Variants in PPP2R2B observed in about 807,000 individuals in gnomAD.
The protein encoded by PPP2R2B is protein phosphatase 2 regulatory subunit Bbeta, also known as serine/threonine-protein phosphatase 2A 55 kDa regulatory subunit B beta isoform.
A neutral mutation model predicts 46.0 loss-of-function variants in PPP2R2B; 5 were observed. The observed-to-expected ratio is 0.11, with a 90% CI of 0.06 to 0.23. The LOEUF is 0.23. Among genes scored for constraint, PPP2R2B ranks in the 10% least tolerant of loss-of-function variants. The probability of loss-of-function intolerance (pLI) is 1.00; values close to 1 mark genes in which losing one functional copy is unlikely to be tolerated. For missense variants in PPP2R2B, 367 were observed against 575.0 expected (o/e 0.64, Z 3.70); for synonymous variants, 215 against 206.7 (o/e 1.04, Z -0.34).
At chr5:146,633,349 A>G (rs536386042) in intron 7 of PPP2R2B, among the ~76,000 whole-genome samples, 1 of 152,310 alleles carries the variant, frequency 6.6e-6, no homozygotes, top group East Asian at 1.9e-4. Context: ...ACTCTGATGA[A>G]CTGTCTCAAT....
At chr5:146,645,351 CTCTT>C (rs2151087833) in intron 6 of PPP2R2B, among the ~76,000 whole-genome samples, 1 of 152,276 alleles carries the variant, frequency 6.6e-6, no homozygotes, top group African/African-American at 2.4e-5. Flanking sequence ...GGATATTCCT[CTCTT>C]AAGAGCTTAA....
At chr5:147,045,822 C>T (rs1337768739) in intron 1 of PPP2R2B, among the ~76,000 whole-genome samples, 1 of 152,088 alleles carries the variant, frequency 6.6e-6, no homozygotes, top group Non-Finnish European at 1.5e-5. Flanking sequence ...CCCTCAGAAT[C>T]TTGCTTTCAC....
At chr5:146,936,485 AC>A (rs1368671132) in intron 1 of PPP2R2B, among the ~76,000 whole-genome samples, 1 of 148,610 alleles carries the variant, frequency 6.7e-6, no homozygotes, top group Non-Finnish European at 1.5e-5. Context: ...AAAAAAAAAA[AC>A]CCTAGACAGT....
chr5:146,681,116 T>A (rs1400720514), intron 5 of PPP2R2B, among the ~76,000 whole-genome samples: 1 of 152,218 alleles, frequency 6.6e-6, no homozygotes, highest in Admixed American at 6.5e-5. Flanking sequence ...AAAGTGATCA[T>A]GTCCTCTATT....
intron 1 of PPP2R2B, among the ~76,000 whole-genome samples, chr5:146,966,637 C>T (rs6898335): frequency 0.77 from 116,995 of 152,086 alleles, 45,996 homozygotes; most frequent in Admixed American, 0.85. Context: ...CTAACTAGAA[C>T]GGAAGGCAGC....
At chr5:146,958,747 C>T (rs1016076722) in intron 1 of PPP2R2B, among the ~76,000 whole-genome samples, 4 of 152,210 alleles carry the variant, frequency 2.6e-5, no homozygotes, top group African/African-American at 9.6e-5. Flanking sequence ...GTATATGATA[C>T]TGCCTCTGCC....
chr5:146,820,776 T>A (rs1488217096), intron 2 of PPP2R2B, among the ~76,000 whole-genome samples: 1 of 152,132 alleles, frequency 6.6e-6, no homozygotes, highest in African/African-American at 2.4e-5. Context: ...CCTCTGCTGC[T>A]ACTTTCTTCA....
chr5:146,861,853 A>AT (rs776458525), intron 2 of PPP2R2B, among the ~76,000 whole-genome samples: 3 of 144,794 alleles, frequency 2.1e-5, no homozygotes, highest in African/African-American at 2.5e-5. Flanking sequence ...AAAATACAGC[A>AT]TTGTTTTTTT....
intron 2 of PPP2R2B, among the ~76,000 whole-genome samples, chr5:146,743,822 T>C (rs73793243): frequency 0.019 from 2,877 of 152,242 alleles, 81 homozygotes; most frequent in African/African-American, 0.062. Context: ...GCCACAAAAT[T>C]ATTGAGCAAA....
intron 1 of PPP2R2B, among the ~76,000 whole-genome samples, chr5:147,001,343 G>A (rs541840805): frequency 1.6e-4 from 24 of 152,214 alleles, no homozygotes; most frequent in African/African-American, 5.1e-4. Context: ...AAGGTCTGTG[G>A]CTTCACTCCT....
In PPP2R2B at chr5:146,706,462, C is replaced by T. The variant is rs913249914; in HGVS notation, c.71-5320G>A. The T allele has an allele frequency of 1.5e-5, 17 of 1,111,896 alleles. No individual in the cohort carries two copies. The African/African-American group carries it at 2.0e-4, about 13-fold the overall frequency. The allele number at this position is 1,111,896 out of a possible 1,614,324, so 68.9% of individuals were successfully genotyped here. On this transcript the variant is annotated intron_variant, in intron 2 of 9. Transcript: ENST00000394411. The stretch of plus-strand genomic sequence containing the variant: ...TCTTCCAGCAGCTTCCTGTAGGTGG[C>T]GATCTCGATGTCCAGGGTCAGCTTG...
At chr5:146,670,582 G>A (rs1254306930) in intron 5 of PPP2R2B, among the ~76,000 whole-genome samples, 1 of 151,788 alleles carries the variant, frequency 6.6e-6, no homozygotes, top group African/African-American at 2.4e-5. Context: ...TGCAACCTCC[G>A]CCTCCCGAGT....
intron 1 of PPP2R2B, among the ~76,000 whole-genome samples, chr5:147,002,903 G>T (rs1580783954): frequency 6.6e-6 from 1 of 152,170 alleles, no homozygotes; most frequent in East Asian, 1.9e-4. Context: ...GTATCAACAG[G>T]CTCACCCTTG....
intron 2 of PPP2R2B, among the ~76,000 whole-genome samples, chr5:146,702,669 T>C (rs1032444208): frequency 1.5e-4 from 23 of 152,236 alleles, no homozygotes; most frequent in African/African-American, 5.3e-4. Flanking sequence ...AGTTTATACA[T>C]TGGCAAGTAT....
intron 2 of PPP2R2B, among the ~76,000 whole-genome samples, chr5:146,749,720 T>G (rs1312843076): frequency 6.9e-6 from 1 of 144,610 alleles, no homozygotes; most frequent in Non-Finnish European, 1.5e-5. Context: ...TGCCTCAGCC[T>G]CCCGAGTAGC....
chr5:146,901,100 CATAGCTAAA>C lies in PPP2R2B; in HGVS notation c.79+154556_79+154564del, dbSNP rs368761556. On this transcript the variant is annotated intron_variant, in intron 1 of 8. Coordinates refer to the PPP2R2B transcript ENST00000336640. ...TAGCAGCTATATTTTCTTATGTAAA[CATAGCTAAA>C]GATATTTTACAAATTGAGGCACACC... 3.3e-5 allele frequency among the ~76,000 whole-genome samples: 5 copies of C among 152,248 alleles called. No homozygotes were observed. In the East Asian group the frequency reaches 9.6e-4, roughly 29 times the overall value.
intron 1 of PPP2R2B, among the ~76,000 whole-genome samples, chr5:146,892,623 T>C (rs1294000241): frequency 2.6e-5 from 4 of 152,208 alleles, no homozygotes; most frequent in Non-Finnish European, 4.4e-5. Context: ...TTCTAACTTA[T>C]GGTTCCTCAC....
intron 1 of PPP2R2B, among the ~76,000 whole-genome samples, chr5:147,050,828 C>CTGTG (rs968941852): frequency 6.6e-6 from 1 of 151,164 alleles, no homozygotes; most frequent in African/African-American, 2.4e-5. Flanking sequence ...ATTTTTCCCT[C>CTGTG]TGTGTGTGTG....
intron 2 of PPP2R2B, among the ~76,000 whole-genome samples, chr5:146,834,151 T>C (rs1160731951): frequency 6.6e-6 from 1 of 152,216 alleles, no homozygotes; most frequent in Non-Finnish European, 1.5e-5. Flanking sequence ...CTTTTAACAA[T>C]AGAAATAGTA....
Sources: allele counts gnomAD v4.1 joint callset (sites outside exome capture counted in the v4.1 genomes callset), GRCh38; gene constraint gnomAD v4.1.1; transcripts MANE v1.5; gene names NCBI Gene and HGNC (gene_info 2026-07-23, HGNC 2026-07-21).